The following HERC1 variants were observed in gnomAD, a reference collection of about 807,000 sequenced individuals.
HERC1 encodes probable E3 ubiquitin-protein ligase HERC1.
In HERC1, 160 loss-of-function variants were observed where a neutral mutation model predicts 554.3. The ratio of observed to expected loss-of-function variants is 0.29; its 90% CI spans 0.25 to 0.33. The LOEUF is 0.33. Ranked by LOEUF, HERC1 falls within the 10% of genes least tolerant of loss-of-function variation. The probability of loss-of-function intolerance (pLI) is 1.00; values close to 1 mark genes in which losing one functional copy is unlikely to be tolerated. For missense variants in HERC1, 4,919 were observed against 5,918.5 expected, an observed-to-expected ratio of 0.83 and a Z score of 5.54; for synonymous variants, 2,175 against 2,131.7, an observed-to-expected ratio of 1.02 and a Z score of -0.56.
chr15:63,695,993 G>A (rs541732051), intron 27 of HERC1, 131 bp downstream of exon 27: 1 of 649,828 alleles, frequency 1.5e-6, no homozygotes, highest in African/African-American at 1.8e-5. Flanking sequence ...ATGGAACCAA[G>A]GAGCTATCTT....
chr15:63,621,512 C>A (rs1051763908), intron 74 of HERC1, among the ~76,000 whole-genome samples: 2 of 152,136 alleles, frequency 1.3e-5, no homozygotes, highest in African/African-American at 4.8e-5. Flanking sequence ...GTGGCATTCT[C>A]TGTATTTCCT....
At chr15:63,795,400 G>A (rs1031978731) in intron 1 of HERC1, among the ~76,000 whole-genome samples, 3 of 152,064 alleles carry the variant, frequency 2.0e-5, no homozygotes, top group Non-Finnish European at 4.4e-5. Context: ...GATGTTGATA[G>A]CACCTAAGAT....
chr15:63,689,964 G>A (rs972140584), intron 32 of HERC1, among the ~76,000 whole-genome samples: 2 of 152,036 alleles, frequency 1.3e-5, no homozygotes, highest in Non-Finnish European at 2.9e-5. Context: ...GGGAGTTTGA[G>A]ACCAGCCTGG....
chr15:63,613,257 G>A (rs973891227), intron 76 of HERC1, among the ~76,000 whole-genome samples: 2 of 152,168 alleles, frequency 1.3e-5, no homozygotes, highest in African/African-American at 4.8e-5. Context: ...GTAACTACAT[G>A]AAATTCTGTG....
At chr15:63,613,372 CTTG>C (rs947516531) in intron 76 of HERC1, among the ~76,000 whole-genome samples, 21 of 152,152 alleles carry the variant, frequency 1.4e-4, no homozygotes, top group African/African-American at 4.6e-4. Context: ...GCCTTGACAG[CTTG>C]TTTAGAAAAA....
chr15:63,645,597 G>T lies in HERC1; in HGVS notation c.10964C>A (p.Ser3655Tyr), dbSNP rs367611317. Residue 3655 changes from serine to tyrosine, a missense_variant, in exon 56 of 78, where the codon TCT (serine) becomes TAT (tyrosine). Coordinates refer to ENST00000443617, the MANE Select transcript of HERC1 (RefSeq NM_003922.4). ...TAGACAGCACCAGCATCCCGAAATA[G>T]AGCCCCAGAGTTTCACACTGTCTTC... ...AKEDSVKLWG[S>Y]ISGCWCCLHS... The T allele has an allele frequency of 2.4e-5, 39 of 1,612,852 alleles. No homozygotes were observed. In the African/African-American group the frequency reaches 3.7e-4, roughly 15 times the overall value.
intron 14 of HERC1, among the ~76,000 whole-genome samples, chr15:63,730,612 A>G (rs908009959): frequency 1.3e-5 from 2 of 152,238 alleles, no homozygotes; most frequent in Non-Finnish European, 2.9e-5. Flanking sequence ...TATATATTAA[A>G]TAACAGTTCT....
intron 1 of HERC1, among the ~76,000 whole-genome samples, chr15:63,824,452 T>G (rs2077815383): frequency 6.6e-6 from 1 of 150,534 alleles, no homozygotes; most frequent in African/African-American, 2.4e-5. Context: ...GAGAATCACT[T>G]GAACCCGGGA....
intron 25 of HERC1, among the ~76,000 whole-genome samples, chr15:63,704,976 G>A (rs2072927547): frequency 6.6e-6 from 1 of 151,818 alleles, no homozygotes; most frequent in African/African-American, 2.4e-5. Flanking sequence ...CTGACCTCGT[G>A]ATCCGCCCAC....
chr15:63,618,288 G>C (rs1313149896), intron 74 of HERC1, among the ~76,000 whole-genome samples: 1 of 152,130 alleles, frequency 6.6e-6, no homozygotes, highest in Non-Finnish European at 1.5e-5. Flanking sequence ...GTTTCTGTCA[G>C]GTTTGTCAAA....
At chr15:63,615,727 C>T (rs746580382) in intron 76 of HERC1, 41 bp downstream of exon 76, 3 of 1,520,802 alleles carry the variant, frequency 2.0e-6, no homozygotes, top group South Asian at 2.7e-5. Context: ...TGGAGAGAAA[C>T]CCAAGCATTC....
chr15:63,760,435 C>CAAAAAAAAAA (rs34164820), intron 3 of HERC1, among the ~76,000 whole-genome samples: 10 of 91,356 alleles, frequency 1.1e-4, no homozygotes, highest in African/African-American at 2.1e-4. Flanking sequence ...AGACACCATC[C>CAAAAAAAAAA]AAAAAAAAAA....
At chr15:63,806,430 ACT>A (rs779238764) in intron 1 of HERC1, among the ~76,000 whole-genome samples, 1 of 151,508 alleles carries the variant, frequency 6.6e-6, no homozygotes, top group African/African-American at 2.4e-5. Flanking sequence ...TCCTCCTCTA[ACT>A]CTCTTACTTT....
Position 63,718,786 on chromosome 15 carries a change from C to T in HERC1, c.3854G>A (p.Ser1285Asn). 6.2e-7 allele frequency: 1 copy of T among 1,611,374 alleles called. No individual in the cohort carries two copies. Among genetic ancestry groups the T allele is most frequent in the Non-Finnish European group, 8.5e-7 (1 of 1,178,188 alleles). Residue 1285 changes from serine to asparagine, a missense_variant, in exon 20 of 78, where the codon AGC (serine) becomes AAC (asparagine). This residue lies in a region of HERC1 where 1,121 missense variants were observed against 1,244.0 expected (regional missense o/e 0.90). Transcript: ENST00000443617. This position sits in a 1 kb window ranked among gnomAD's most constrained non-coding sequence, Gnocchi z 4.2. ...TNLLSQACGE[S>N]RYQPGKHLSE... ...AGGATAGTTTTAAGTTACTTGCCGG[C>T]TTTCTCCACATGCTTGACTAAGTAA...
intron 53 of HERC1, among the ~76,000 whole-genome samples, chr15:63,650,726 T>G (rs947011591): frequency 2.0e-5 from 3 of 152,228 alleles, no homozygotes; most frequent in Admixed American, 6.5e-5. Flanking sequence ...AGAAACTTAC[T>G]TGCAGTTAAG....
At chr15:63,683,270 A>C (rs1290703981) in intron 34 of HERC1, among the ~76,000 whole-genome samples, 3 of 152,276 alleles carry the variant, frequency 2.0e-5, no homozygotes, top group Admixed American at 2.0e-4. Context: ...GACACAACTT[A>C]CTTGCTTTTT....
chr15:63,758,340 T>C lies in HERC1; in HGVS notation c.1056A>G (p.Arg352=), dbSNP rs1445869417. The C allele has an allele frequency of 1.3e-6, 2 of 1,594,808 alleles. No individual in the cohort carries two copies. The highest frequency in any genetic ancestry group is 3.3e-4 in the Middle Eastern group (2 of 6,020). Residue 352 remains arginine, a synonymous_variant, in exon 4 of 78, where the codon AGA becomes AGG. Transcript: ENST00000443617. The surrounding 1 kb of genome is among the most constrained non-coding windows in gnomAD (Gnocchi z 4.0). ...EVCRMASDYS[R]TCASPDSIQT... ...GAATGCTATCTGGGCTAGCACATGTTCTCGAATAATCAGAAGCCATTCTGC... is the reference window on the plus strand; with the variant it reads ...GAATGCTATCTGGGCTAGCACATGTCCTCGAATAATCAGAAGCCATTCTGC...
At chr15:63,619,100 T>G (rs2067953260) in intron 74 of HERC1, among the ~76,000 whole-genome samples, 1 of 152,192 alleles carries the variant, frequency 6.6e-6, no homozygotes, top group African/African-American at 2.4e-5. Flanking sequence ...GCTTCCAGTT[T>G]TTGCCCATTC....
chr15:63,644,959 T>C, intron 57 of HERC1, 33 bp downstream of exon 57: 10 of 1,481,278 alleles, frequency 6.8e-6, no homozygotes, highest in Non-Finnish European at 8.5e-6. Flanking sequence ...TTTCCATAGT[T>C]TCAGACAGTC....
Sources: allele counts gnomAD v4.1 joint callset (sites outside exome capture counted in the v4.1 genomes callset), GRCh38; gene constraint gnomAD v4.1.1; regional missense constraint gnomAD v4.1.1; non-coding constraint Gnocchi (gnomAD v3.1); transcripts MANE v1.5; gene names NCBI Gene and HGNC (gene_info 2026-07-23, HGNC 2026-07-21).